CCDC179: variants seen among roughly 807,000 people sequenced by gnomAD.
The protein encoded by CCDC179 is coiled-coil domain-containing protein 179.
A neutral mutation model predicts 12.0 loss-of-function variants in CCDC179; 17 were observed. The ratio of observed to expected loss-of-function variants is 1.42; its 90% CI spans 0.97 to 2.13. The LOEUF (loss-of-function observed/expected upper bound fraction) is 2.13. Ranked by LOEUF, CCDC179 falls within the 30% of genes most tolerant of loss-of-function variation. CCDC179 has a pLI of 0.00. For missense variants in CCDC179, 83 were observed against 78.6 expected (o/e 1.06, Z -0.21); for synonymous variants, 27 against 26.4 (o/e 1.02, Z -0.07).
At chr11:22,859,350 A>T in intron 2 of CCDC179, 102 bp downstream of exon 2, 1 of 652,052 alleles carries the variant, frequency 1.5e-6, no homozygotes, top group Non-Finnish European at 2.3e-6. Context: ...TGAAGTGTCT[A>T]CTTAATACAA....
rs1252437700 is a variant in CCDC179 at position 22,847,463 on chromosome 11, A to G, written c.*47T>C. 53 of 1,304,836 alleles carry G rather than the reference A, an allele frequency of 4.1e-5. No homozygotes were observed. The highest frequency in any genetic ancestry group is 5.0e-5 in the Non-Finnish European group (48 of 969,612). 80.8% of individuals were successfully genotyped at this position (1,304,836 alleles called of 1,614,324 possible). A position where few individuals can be genotyped will look rare whatever the true frequency, so the allele number is the denominator to read the frequency against. ...ATGTCACTTGATGTTCACAATCCAC[A>G]TATTTCTGTCTGGAGCATGGTTTCC... On this transcript the variant is annotated 3_prime_UTR_variant, in exon 4 of 4. Transcript: ENST00000532798.
At chr11:22,848,789 T>TA in intron 3 of CCDC179, among the ~76,000 whole-genome samples, 1 of 152,336 alleles carries the variant, frequency 6.6e-6, no homozygotes, top group Non-Finnish European at 1.5e-5. Flanking sequence ...AAAGCAGTGT[T>TA]ACTCTGTGGT....
rs1180035208 is a variant in CCDC179 at position 22,850,940 on chromosome 11, CTA to C, written c.196-3421_196-3420del. 4.5e-3 allele frequency among the ~76,000 whole-genome samples: 74 copies of C among 16,522 alleles called. 1 individual carries two copies. The highest frequency in any genetic ancestry group is 7.2e-3 in the African/African-American group (36 of 4,986). The allele number at this position is 16,522 out of a possible 152,430, so 10.8% of individuals were successfully genotyped here. On this transcript the variant is annotated intron_variant, in intron 3 of 3. Coordinates refer to ENST00000532798, the MANE Select transcript of CCDC179 (RefSeq NM_001195637.2). ...AAGGGGAAAATATATGTTGCATAGG[CTA>C]TATATATATATATATATATATATAT...
chr11:22,858,418 C>T (rs1307503015), intron 2 of CCDC179, among the ~76,000 whole-genome samples: 2 of 151,978 alleles, frequency 1.3e-5, no homozygotes, highest in Admixed American at 1.3e-4. Flanking sequence ...TTGCATGACA[C>T]ACATAGCTTT....
chr11:22,849,199 A>G (rs376960938), intron 3 of CCDC179, among the ~76,000 whole-genome samples: 4 of 152,190 alleles, frequency 2.6e-5, no homozygotes, highest in African/African-American at 4.8e-5. Context: ...GAAGAAAGGT[A>G]TACTTTCTCT....
intron 3 of CCDC179, among the ~76,000 whole-genome samples, chr11:22,848,935 T>C (rs1033387712): frequency 6.6e-6 from 1 of 152,194 alleles, no homozygotes; most frequent in East Asian, 1.9e-4. Context: ...TTAAAAATTA[T>C]CAATCCACAA....
At chr11:22,849,410 CTCAAACCAG>C (rs1438409479) in intron 3 of CCDC179, among the ~76,000 whole-genome samples, 1 of 152,038 alleles carries the variant, frequency 6.6e-6, no homozygotes, top group Non-Finnish European at 1.5e-5. Context: ...TCTCTGCAAC[CTCAAACCAG>C]TTGGTGGGAT....
chr11:22,849,660 A>G (rs1858323579), intron 3 of CCDC179, among the ~76,000 whole-genome samples: 1 of 151,974 alleles, frequency 6.6e-6, no homozygotes, highest in Admixed American at 6.6e-5. Flanking sequence ...TTTAGCCCTC[A>G]CTTTCCTCCC....
intron 3 of CCDC179, 82 bp downstream of exon 3, chr11:22,857,840 A>C: frequency 1.5e-6 from 1 of 651,722 alleles, no homozygotes; most frequent in Non-Finnish European, 2.3e-6. Context: ...AAGAAAATTT[A>C]TAGTGAATAT....
At chr11:22,854,640 G>A (rs1214868540) in intron 3 of CCDC179, among the ~76,000 whole-genome samples, 3 of 151,714 alleles carry the variant, frequency 2.0e-5, no homozygotes, top group Non-Finnish European at 4.4e-5. Context: ...ACTAGAGAAT[G>A]CAGAAGAAGA....
chr11:22,852,542 C>T (rs554856126), intron 3 of CCDC179, among the ~76,000 whole-genome samples: 64 of 152,294 alleles, frequency 4.2e-4, no homozygotes, highest in Admixed American at 1.1e-3. Context: ...TTCTGATGAC[C>T]AGGCAGCCCC....
chr11:22,853,087 CCCTCTGATA>C (rs1306942462), intron 3 of CCDC179, among the ~76,000 whole-genome samples: 3 of 152,142 alleles, frequency 2.0e-5, no homozygotes, highest in South Asian at 2.1e-4. Context: ...GGAAATTTTA[CCCTCTGATA>C]TCACAGTTAC....
In CCDC179 at chr11:22,860,385, C is replaced by T. The variant is rs145779712; in HGVS notation, c.37G>A (p.Val13Ile). The T allele has an allele frequency of 4.3e-3, 6,593 of 1,535,594 alleles. 22 individuals are homozygous for T. The highest frequency in any genetic ancestry group is 5.2e-3 in the Non-Finnish European group (5,963 of 1,146,652). ...LYCWDIEPSQ[V>I]NPEGPRQHHP... ...GGCCCCAGCAGACTCACAGGGTTGA[C>T]TTGGGAAGGCTCGATGTCCCAGCAA... Residue 13 changes from valine (V) to isoleucine (I), a missense_variant, in exon 1 of 4, where the codon GTC becomes ATC. Val to Ile is a conservative substitution (Grantham distance 29). Coordinates refer to ENST00000532798, the MANE Select transcript of CCDC179 (RefSeq NM_001195637.2).
chr11:22,849,483 A>T lies in CCDC179; in HGVS notation c.196-1962T>A, dbSNP rs142649409. Among the ~76,000 whole-genome samples, 27 of 152,276 alleles carry T rather than the reference A, an allele frequency of 1.8e-4. 1 individual carries two copies. The East Asian group carries it at 5.0e-3, about 28-fold the overall frequency. ...TCTTTAAAAAACATCTGGGACTTCA[A>T]GAAAAAAAGGGGGAGCTTTTTTCAG... On this transcript the variant is annotated intron_variant, in intron 3 of 3. Transcript: ENST00000532798.
chr11:22,850,972 ATATATT>A (rs1858380140), intron 3 of CCDC179, among the ~76,000 whole-genome samples: 1 of 6,518 alleles, frequency 1.5e-4, no homozygotes. Flanking sequence ...ATATATATAT[ATATATT>A]TTTTTTTTTT....
At chr11:22,850,426 T>G (rs962949209) in intron 3 of CCDC179, among the ~76,000 whole-genome samples, 1 of 152,232 alleles carries the variant, frequency 6.6e-6, no homozygotes, top group African/African-American at 2.4e-5. Flanking sequence ...AATGCCATTA[T>G]TTTGTTCCAT....
At chr11:22,860,255 A>AC in intron 1 of CCDC179, 122 bp downstream of exon 1, 1 of 1,134,358 alleles carries the variant, frequency 8.8e-7, no homozygotes, top group South Asian at 1.6e-5. Context: ...GAATTTCCCA[A>AC]CCCCCAGCAC....
At chr11:22,856,277 A>G (rs1248495211) in intron 3 of CCDC179, among the ~76,000 whole-genome samples, 6 of 151,546 alleles carry the variant, frequency 4.0e-5, no homozygotes, top group Non-Finnish European at 8.9e-5. Flanking sequence ...TCAACAAAAT[A>G]TTAGCAAATT....
chr11:22,860,058 C>A (rs1429143270), intron 1 of CCDC179, among the ~76,000 whole-genome samples: 2 of 152,162 alleles, frequency 1.3e-5, no homozygotes, highest in African/African-American at 2.4e-5. Flanking sequence ...CAATCTGTTC[C>A]ACATCTGGCA....
Sources: gnomAD v4.1 joint callset for allele counts (sites outside exome capture counted in the v4.1 genomes callset) on GRCh38, gnomAD v4.1.1 for gene constraint, MANE v1.5 for transcripts, NCBI Gene and HGNC (gene_info 2026-07-23, HGNC 2026-07-21) for gene names.